CCSER1: variants seen among roughly 807,000 people sequenced by gnomAD.
CCSER1 encodes the protein coiled-coil serine rich protein 1.
Under a neutral mutation model 82.0 loss-of-function variants are expected in CCSER1, and 41 were observed. The ratio of observed to expected loss-of-function variants is 0.50; its 90% CI spans 0.39 to 0.65. The LOEUF is 0.65. Among genes scored for constraint, CCSER1 ranks in the 30% least tolerant of loss-of-function variants. CCSER1 has a pLI of 0.00. For synonymous variants in CCSER1, 414 were observed against 383.9 expected, an observed-to-expected ratio of 1.08 and a Z score of -0.92; for missense variants, 1,119 against 1,064.2, an observed-to-expected ratio of 1.05 and a Z score of -0.72.
At chr4:90,576,640 C>G (rs1475863845) in intron 5 of CCSER1, among the ~76,000 whole-genome samples, 1 of 151,994 alleles carries the variant, frequency 6.6e-6, no homozygotes, top group African/African-American at 2.4e-5. Context: ...TTCAGTTTAC[C>G]TCTTTCGCTT....
At chr4:90,774,527 TTA>T (rs1212451066) in intron 7 of CCSER1, among the ~76,000 whole-genome samples, 1 of 152,150 alleles carries the variant, frequency 6.6e-6, no homozygotes, top group Non-Finnish European at 1.5e-5. Flanking sequence ...TTTGCCATAA[TTA>T]TGAGCCTAGT....
intron 1 of CCSER1, among the ~76,000 whole-genome samples, chr4:90,198,920 G>A (rs1406799745): frequency 6.6e-6 from 1 of 152,078 alleles, no homozygotes; most frequent in Non-Finnish European, 1.5e-5. Flanking sequence ...TTTGAGCTAA[G>A]TATCAGTTTT....
chr4:90,570,090 G>A (rs1306825170), intron 5 of CCSER1, among the ~76,000 whole-genome samples: 1 of 152,272 alleles, frequency 6.6e-6, no homozygotes, highest in Non-Finnish European at 1.5e-5. Flanking sequence ...GAACAAGGAC[G>A]ATGACCTCCC....
chr4:90,989,446 A>ACATTC (rs1736839639), intron 9 of CCSER1, among the ~76,000 whole-genome samples: 1 of 151,828 alleles, frequency 6.6e-6, no homozygotes, highest in African/African-American at 2.4e-5. Context: ...CACTTAAAAT[A>ACATTC]CATTCTGTTC....
At chr4:91,220,390 A>G (rs1473561925) in intron 10 of CCSER1, among the ~76,000 whole-genome samples, 3 of 152,240 alleles carry the variant, frequency 2.0e-5, no homozygotes, top group Non-Finnish European at 4.4e-5. Context: ...GAACAATCAT[A>G]TAGTTAATGG....
chr4:91,581,216 T>C (rs1516708), intron 10 of CCSER1, among the ~76,000 whole-genome samples: 76,586 of 151,562 alleles, frequency 0.51, 19,639 homozygotes, highest in East Asian at 0.64. Flanking sequence ...CTTCTAATTT[T>C]TGTTCCTTTT....
At chr4:91,359,097 C>A (rs543031702) in intron 10 of CCSER1, among the ~76,000 whole-genome samples, 1 of 147,488 alleles carries the variant, frequency 6.8e-6, no homozygotes, top group South Asian at 2.1e-4. Flanking sequence ...TTTAAGGGCT[C>A]ACAACACTAA....
chr4:91,151,218 A>C (rs1274208330), intron 10 of CCSER1, among the ~76,000 whole-genome samples: 1 of 152,012 alleles, frequency 6.6e-6, no homozygotes, highest in Non-Finnish European at 1.5e-5. Flanking sequence ...TTGTCGAGGA[A>C]TTTATCCATT....
At chr4:91,284,216 G>T (rs866526051) in intron 10 of CCSER1, among the ~76,000 whole-genome samples, 3 of 151,972 alleles carry the variant, frequency 2.0e-5, no homozygotes, top group Non-Finnish European at 2.9e-5. Context: ...TTACTTATTG[G>T]TTCAAAGACT....
intron 6 of CCSER1, among the ~76,000 whole-genome samples, chr4:90,643,449 A>T (rs1726941176): frequency 1.3e-5 from 2 of 152,126 alleles, no homozygotes; most frequent in Admixed American, 6.5e-5. Flanking sequence ...GAGCAAGAAT[A>T]TACAGTCTAA....
chr4:91,005,493 A>G (rs547346115), intron 9 of CCSER1, among the ~76,000 whole-genome samples: 1 of 152,246 alleles, frequency 6.6e-6, no homozygotes, highest in East Asian at 1.9e-4. Flanking sequence ...AAACACTAAA[A>G]GCACCCCTAT....
chr4:91,552,122 A>G (rs1033102692), intron 10 of CCSER1, among the ~76,000 whole-genome samples: 1 of 151,330 alleles, frequency 6.6e-6, no homozygotes. Flanking sequence ...TAAAATCTCT[A>G]ATTCAAGTAT....
intron 6 of CCSER1, among the ~76,000 whole-genome samples, chr4:90,715,374 G>A (rs1298198409): frequency 6.6e-6 from 1 of 151,926 alleles, no homozygotes; most frequent in East Asian, 1.9e-4. Context: ...GGGATGAGCT[G>A]GGTTATTGCC....
chr4:90,953,037 A>G (rs1733074304), intron 9 of CCSER1, among the ~76,000 whole-genome samples: 3 of 151,894 alleles, frequency 2.0e-5, no homozygotes, highest in African/African-American at 7.3e-5. Flanking sequence ...CCTTATCTTT[A>G]CCTTTAGTAT....
chr4:90,911,326 T>C (rs1056496068), intron 8 of CCSER1: 7 of 456,158 alleles, frequency 1.5e-5, no homozygotes, highest in Middle Eastern at 3.2e-4. Context: ...ATTCTACTGA[T>C]GTCTTCAGTG....
intron 10 of CCSER1, among the ~76,000 whole-genome samples, chr4:91,351,870 C>G (rs1748494563): frequency 6.6e-6 from 1 of 152,046 alleles, no homozygotes; most frequent in South Asian, 2.1e-4. Flanking sequence ...GTTCTCCAAT[C>G]TGAAGTTTCC....
intron 6 of CCSER1, among the ~76,000 whole-genome samples, chr4:90,645,056 T>C (rs905452244): frequency 6.7e-6 from 1 of 148,676 alleles, no homozygotes; most frequent in Non-Finnish European, 1.5e-5. Flanking sequence ...CACTCCAGCC[T>C]GGGCAACAAG....
At chr4:91,020,105 A>T (rs956464469) in intron 9 of CCSER1, among the ~76,000 whole-genome samples, 2 of 152,206 alleles carry the variant, frequency 1.3e-5, no homozygotes, top group African/African-American at 4.8e-5. Context: ...ATGAATAAAA[A>T]TAGCCAAGAC....
intron 7 of CCSER1, among the ~76,000 whole-genome samples, chr4:90,744,531 C>A (rs531883991): frequency 3.9e-5 from 6 of 152,172 alleles, no homozygotes; most frequent in African/African-American, 1.4e-4. Context: ...TCTGCATATG[C>A]TCTAACTAGG....
Sources: gnomAD v4.1 joint callset for allele counts (sites outside exome capture counted in the v4.1 genomes callset) on GRCh38, gnomAD v4.1.1 for gene constraint, MANE v1.5 for transcripts, NCBI Gene and HGNC (gene_info 2026-07-23, HGNC 2026-07-21) for gene names.